The following CDK14 variants were observed in gnomAD, a reference collection of about 807,000 sequenced individuals.
CDK14 encodes the protein cyclin-dependent kinase 14.
A neutral mutation model predicts 60.7 loss-of-function variants in CDK14; 34 were observed. That is an observed-to-expected ratio of 0.56 (90% confidence interval 0.43 to 0.75). CDK14 has a LOEUF of 0.75. Among genes scored for constraint, CDK14 ranks in the 30% least tolerant of loss-of-function variants. The pLI, the probability that CDK14 is intolerant of heterozygous loss-of-function variation, is 0.00. For synonymous variants in CDK14, 197 were observed against 203.7 expected (o/e 0.97, Z 0.28); for missense variants, 482 against 564.1 (o/e 0.85, Z 1.47).
At chr7:90,977,440 AG>A (rs144000176) in intron 9 of CDK14, among the ~76,000 whole-genome samples, 2,505 of 149,538 alleles carry the variant, frequency 0.017, 23 homozygotes, top group Non-Finnish European at 0.022. Flanking sequence ...GGAATTAGGG[AG>A]GAATAAGGAA....
chr7:90,907,847 A>G (rs1483367335), intron 7 of CDK14, among the ~76,000 whole-genome samples: 1 of 152,124 alleles, frequency 6.6e-6, no homozygotes, highest in African/African-American at 2.4e-5. Flanking sequence ...CCAAATTAAG[A>G]TTGTATTATA....
intron 11 of CDK14, among the ~76,000 whole-genome samples, chr7:91,053,187 A>T (rs1797441986): frequency 1.3e-5 from 2 of 152,204 alleles, no homozygotes; most frequent in South Asian, 4.1e-4. Context: ...ATTTTAATAT[A>T]TTATCTCATT....
At chr7:91,041,191 T>TA (rs397781415) in intron 10 of CDK14, among the ~76,000 whole-genome samples, 1 of 150,648 alleles carries the variant, frequency 6.6e-6, no homozygotes, top group Non-Finnish European at 1.5e-5. Context: ...TTTTTTTTTT[T>TA]AACAGATGTT....
At chr7:90,848,922 C>T (rs1328935249) in intron 5 of CDK14, among the ~76,000 whole-genome samples, 1 of 152,184 alleles carries the variant, frequency 6.6e-6, no homozygotes. Flanking sequence ...CGACCATCCA[C>T]AAATACCTTC....
At chr7:90,650,993 G>T (rs1800625237) in intron 2 of CDK14, among the ~76,000 whole-genome samples, 1 of 152,192 alleles carries the variant, frequency 6.6e-6, no homozygotes, top group African/African-American at 2.4e-5. Flanking sequence ...ATTCTGTGAA[G>T]AAAGTCTTTG....
intron 8 of CDK14, among the ~76,000 whole-genome samples, chr7:90,919,677 T>C (rs900473818): frequency 2.0e-5 from 3 of 152,232 alleles, no homozygotes; most frequent in Non-Finnish European, 4.4e-5. Flanking sequence ...TCAAATAATA[T>C]GTCATGAACA....
chr7:91,070,481 G>T (rs758952598), intron 11 of CDK14, among the ~76,000 whole-genome samples: 1 of 152,192 alleles, frequency 6.6e-6, no homozygotes, highest in African/African-American at 2.4e-5. Flanking sequence ...TGTTCAGGCT[G>T]GGCTTTGTGG....
chr7:90,664,885 C>T (rs1402751478), intron 2 of CDK14, among the ~76,000 whole-genome samples: 2 of 152,064 alleles, frequency 1.3e-5, no homozygotes, highest in Non-Finnish European at 2.9e-5. Flanking sequence ...CACGTGTATA[C>T]ATATGTAACA....
intron 2 of CDK14, among the ~76,000 whole-genome samples, chr7:90,697,303 A>T (rs991178780): frequency 6.6e-6 from 1 of 152,180 alleles, no homozygotes; most frequent in Non-Finnish European, 1.5e-5. Context: ...TACAGTCGCT[A>T]TAACATGAGA....
At chr7:91,018,595 C>T (rs1224149919) in intron 10 of CDK14, among the ~76,000 whole-genome samples, 1 of 152,166 alleles carries the variant, frequency 6.6e-6, no homozygotes, top group Non-Finnish European at 1.5e-5. Context: ...TTGTAATCCC[C>T]AGTGTGAGAG....
chr7:91,173,634 C>T (rs1279132937), intron 14 of CDK14, among the ~76,000 whole-genome samples: 2 of 152,176 alleles, frequency 1.3e-5, no homozygotes, highest in African/African-American at 4.8e-5. Flanking sequence ...CGAGGCATTG[C>T]CTCACTTGGG....
chr7:91,001,744 T>C (rs1225833621), intron 10 of CDK14, among the ~76,000 whole-genome samples: 1 of 152,214 alleles, frequency 6.6e-6, no homozygotes, highest in East Asian at 1.9e-4. Flanking sequence ...AGGAACAAAG[T>C]TGGTTGAGCC....
At chr7:90,764,987 G>T (rs1005174671) in intron 4 of CDK14, among the ~76,000 whole-genome samples, 8 of 152,214 alleles carry the variant, frequency 5.3e-5, no homozygotes, top group Non-Finnish European at 1.2e-4. Flanking sequence ...GGCCTGATGG[G>T]TGAGACAGGA....
chr7:91,135,141 A>G (rs1275541309), intron 14 of CDK14, among the ~76,000 whole-genome samples: 1 of 151,916 alleles, frequency 6.6e-6, no homozygotes. Context: ...GTACTTTTCA[A>G]TTTCCACCTT....
At chr7:90,885,622 T>C (rs922857512) in intron 6 of CDK14, among the ~76,000 whole-genome samples, 3 of 152,178 alleles carry the variant, frequency 2.0e-5, no homozygotes, top group Non-Finnish European at 4.4e-5. Flanking sequence ...ACACATATGT[T>C]TATTGCAGCA....
At chr7:90,780,773 G>A (rs920675464) in intron 4 of CDK14, among the ~76,000 whole-genome samples, 11 of 151,918 alleles carry the variant, frequency 7.2e-5, no homozygotes, top group Non-Finnish European at 8.8e-5. Context: ...TGGTGTATAT[G>A]TGCCACATTT....
chr7:90,647,785 G>A (rs1333624093), intron 2 of CDK14, among the ~76,000 whole-genome samples: 1 of 152,136 alleles, frequency 6.6e-6, no homozygotes, highest in Non-Finnish European at 1.5e-5. Context: ...GAGCCCAGGA[G>A]TTCGAGGCTG....
chr7:90,634,390 G>T (rs1017807245), intron 2 of CDK14, among the ~76,000 whole-genome samples: 1 of 148,942 alleles, frequency 6.7e-6, no homozygotes, highest in Non-Finnish European at 1.5e-5. Flanking sequence ...GCAGTGTTTG[G>T]TTTTTTGTCC....
chr7:90,721,034 C>T (rs1336729044), intron 2 of CDK14, among the ~76,000 whole-genome samples: 1 of 152,122 alleles, frequency 6.6e-6, no homozygotes, highest in African/African-American at 2.4e-5. Context: ...CACTGGTTCA[C>T]ATAGGTTTTC....
Sources: allele counts gnomAD v4.1 joint callset (sites outside exome capture counted in the v4.1 genomes callset), GRCh38; gene constraint gnomAD v4.1.1; transcripts MANE v1.5; gene names NCBI Gene and HGNC (gene_info 2026-07-23, HGNC 2026-07-21).